PLEKHO1: variants seen among roughly 807,000 people sequenced by gnomAD.
PLEKHO1 encodes the protein pleckstrin homology domain-containing family O member 1.
PLEKHO1 carries 22 observed loss-of-function variants against 41.4 expected under a neutral mutation model. That is an observed-to-expected ratio of 0.53 (90% confidence interval 0.38 to 0.76). The LOEUF (loss-of-function observed/expected upper bound fraction) is 0.76, where lower values mean the gene tolerates loss of function less well. Ranked by LOEUF, PLEKHO1 falls within the 30% of genes least tolerant of loss-of-function variation. The pLI, the probability that PLEKHO1 is intolerant of heterozygous loss-of-function variation, is 0.00. For synonymous variants in PLEKHO1, 225 were observed against 210.8 expected (o/e 1.07, Z -0.58); for missense variants, 488 against 518.3 (o/e 0.94, Z 0.57).
intron 5 of PLEKHO1, 129 bp from the exon 6 acceptor site, chr1:150,158,690 A>C: frequency 1.5e-6 from 1 of 673,392 alleles, no homozygotes; most frequent in Non-Finnish European, 2.6e-6. Flanking sequence ...CTCTGTCTCT[A>C]AAAAAAAGTA....
intron 2 of PLEKHO1, 41 bp from the exon 3 acceptor site, chr1:150,156,025 A>G (rs587681249): frequency 1.3e-6 from 2 of 1,585,232 alleles, no homozygotes; most frequent in East Asian, 2.2e-5. Flanking sequence ...GGAGGGGCTA[A>G]ATAATTTTAT....
At chr1:150,157,970 A>G (rs1474359266) in intron 5 of PLEKHO1, among the ~76,000 whole-genome samples, 2 of 152,286 alleles carry the variant, frequency 1.3e-5, no homozygotes, top group East Asian at 3.9e-4. Context: ...GTAATCAGCT[A>G]CCTGTGTGGT....
At position 150,156,117 on chromosome 1, in the gene PLEKHO1, A is replaced by T; in HGVS notation, c.229A>T (p.Lys77Ter). Residue 77 changes from lysine to a stop codon, truncating the protein, a stop_gained, in exon 3 of 6, where the codon AAG (lysine) becomes TAG (stop). Transcript: ENST00000369124. LOFTEE classifies it high-confidence loss of function. ...GGTATTTGACCTGAGTGACTATGAG[A>T]AGTGTGAAGAGCTCCGGAAGTCCAA... Reference protein sequence around the residue: ...QEVFDLSDYEKCEELRKSKSR... With the variant: ...QEVFDLSDYE 1 of 1,613,464 alleles carries T rather than the reference A, an allele frequency of 6.2e-7. No homozygotes were observed.
Position 150,150,262 on chromosome 1 carries a change from T to A in PLEKHO1, c.5T>A (p.Met2Lys). 9.0e-7 allele frequency: 1 copy of A among 1,116,038 alleles called. No individual in the cohort carries two copies. Among genetic ancestry groups the A allele is most frequent in the South Asian group, 2.6e-5 (1 of 38,704 alleles). 69.1% of individuals were successfully genotyped at this position (1,116,038 alleles called of 1,614,324 possible). Residue 2 changes from methionine to lysine, a missense_variant, in exon 1 of 6, where the codon ATG becomes AAG. Around this residue, in one of 3 missense-constraint regions of PLEKHO1, gnomAD observed 92 missense variants for 82.3 expected, o/e 1.12. Coordinates refer to ENST00000369124, the MANE Select transcript of PLEKHO1 (RefSeq NM_016274.6). Reference sequence around the variant, plus strand: ...CCGCGCCCGCGCCCGCTGGGAATGATGAAGAAGAACAATTCCGCCAAGCGG... The same window carrying A: ...CCGCGCCCGCGCCCGCTGGGAATGAAGAAGAAGAACAATTCCGCCAAGCGG... The part of the protein sequence containing the change: M[M>K]KKNNSAKRGP...
chr1:150,150,333 T>C lies in PLEKHO1; in HGVS notation c.30+46T>C, dbSNP rs183546410. On this transcript the variant is annotated intron_variant, in intron 1 of 5. Coordinates refer to ENST00000369124, the MANE Select transcript of PLEKHO1 (RefSeq NM_016274.6). ...TGCGGCCGCCGCCGCCTCCGCGCTCTGACGACCCCCGCTCCGTCGGCGCCG... is the reference window on the plus strand; with the variant it reads ...TGCGGCCGCCGCCGCCTCCGCGCTCCGACGACCCCCGCTCCGTCGGCGCCG... The C allele has an allele frequency of 5.2e-5, 50 of 966,028 alleles. 1 individual carries two copies. Among genetic ancestry groups the C allele is most frequent in the Middle Eastern group, 1.0e-3 (2 of 1,976 alleles). 59.8% of individuals were successfully genotyped at this position (966,028 alleles called of 1,614,324 possible). A position where few individuals can be genotyped will look rare whatever the true frequency, so the allele number is the denominator to read the frequency against.
rs1440569835 is a variant in PLEKHO1 at position 150,159,572 on chromosome 1, C to T, written c.*49C>T. The T allele has an allele frequency of 5.7e-6, 7 of 1,232,784 alleles. No individual in the cohort carries two copies. The highest frequency in any genetic ancestry group is 3.0e-5 in the South Asian group (2 of 66,586). The allele number at this position is 1,232,784 out of a possible 1,614,324, so 76.4% of individuals were successfully genotyped here. A position where few individuals can be genotyped will look rare whatever the true frequency, so the allele number is the denominator to read the frequency against. On this transcript the variant is annotated 3_prime_UTR_variant, in exon 6 of 6. Transcript: ENST00000369124. ...GTCGGGTTGGACAGACTCTTATCTC[C>T]GTGTTGCTGGATAAAGCTTTTTTAT...
At chr1:150,152,812 C>G (rs186590793) in intron 2 of PLEKHO1, 1 of 148,268 alleles carries the variant, frequency 6.7e-6, no homozygotes, top group East Asian at 2.0e-4. Context: ...AAGAGAAAAA[C>G]ATAATAGTGA....
intron 2 of PLEKHO1, among the ~76,000 whole-genome samples, chr1:150,151,503 G>T (rs1162594601): frequency 3.3e-5 from 5 of 152,106 alleles, no homozygotes; most frequent in Non-Finnish European, 7.4e-5. Context: ...GGTCCTGTCC[G>T]TGGCGCATCC....
rs782779341 is a variant in PLEKHO1 at position 150,158,827 on chromosome 1, C to G, written c.534C>G (p.Thr178=). 23 of 1,602,236 alleles carry G rather than the reference C, an allele frequency of 1.4e-5. No individual in the cohort carries two copies. In the South Asian group the frequency reaches 2.0e-4, roughly 14 times the overall value. The change falls in exon 6 of 6, where the codon ACC becomes ACG. Residue 178 remains threonine (T), a synonymous_variant. Transcript: ENST00000369124. ...CCCCCCTTCCTCCACAGGCTTCCACCTCTACCTCGGATGGGATGCTGACCT... is the reference window on the plus strand; with the variant it reads ...CCCCCCTTCCTCCACAGGCTTCCACGTCTACCTCGGATGGGATGCTGACCT... The part of the protein sequence containing the change: ...TRGHLMAVAS[T]STSDGMLTLD...
intron 5 of PLEKHO1, among the ~76,000 whole-genome samples, chr1:150,158,343 C>G (rs1436521836): frequency 2.6e-5 from 4 of 152,156 alleles, no homozygotes; most frequent in Non-Finnish European, 5.9e-5. Context: ...ATTCAAGTCA[C>G]TATCAAAGGA....
rs782292173 is a variant in PLEKHO1 at position 150,159,057 on chromosome 1, C to A, written c.764C>A (p.Pro255His). The A allele has an allele frequency of 5.6e-6, 9 of 1,613,980 alleles. No homozygotes were observed. The South Asian group carries it at 8.8e-5, about 16-fold the overall frequency. ...ACAGACAAAGGGGCCACCTACACCC[C>A]CCAGGCACCCAAGAAGTTGACGCCC... ...EKTDKGATYT[P>H]QAPKKLTPTE... The change falls in exon 6 of 6, where the codon CCC (proline) becomes CAC (histidine). Residue 255 changes from proline to histidine, a missense_variant. Physicochemically the swap from Pro to His is moderately conservative, Grantham distance 77 (BLOSUM62 -2). This residue lies in a region of PLEKHO1 where 337 missense variants were observed against 324.6 expected (regional missense o/e 1.04). Coordinates refer to ENST00000369124, the MANE Select transcript of PLEKHO1 (RefSeq NM_016274.6).
chr1:150,151,328 A>G (rs1396914848), intron 2 of PLEKHO1, among the ~76,000 whole-genome samples: 1 of 152,292 alleles, frequency 6.6e-6, no homozygotes, highest in Non-Finnish European at 1.5e-5. Context: ...ATGCCCCAGA[A>G]GTTCTAAGTG....
chr1:150,152,184 A>G (rs1437616909), intron 2 of PLEKHO1, among the ~76,000 whole-genome samples: 1 of 152,208 alleles, frequency 6.6e-6, no homozygotes, highest in African/African-American at 2.4e-5. Flanking sequence ...GTACTCATCT[A>G]AAAGAACATC....
At chr1:150,155,893 G>A (rs1660147325) in intron 2 of PLEKHO1, 173 bp from the exon 3 acceptor site, 1 of 629,900 alleles carries the variant, frequency 1.6e-6, no homozygotes, top group Non-Finnish European at 2.8e-6. Context: ...AGCTGCCCTA[G>A]CGTCCTCCTC....
In PLEKHO1 at chr1:150,156,952, G is replaced by A. The variant is rs1553820536; in HGVS notation, c.360G>A (p.Lys120=). The change falls in exon 4 of 6, where the codon AAG becomes AAA. Residue 120 remains lysine (K), a synonymous_variant. Transcript: ENST00000369124. ...TCCTGGCAGTGAGTCCAGAAGAGAA[G>A]GAATCGTGGATCAATGCCCTCAACT... is the stretch of plus-strand genomic sequence containing the variant. ...LIFLAVSPEE[K]ESWINALNSA... 6.2e-7 allele frequency: 1 copy of A among 1,613,702 alleles called. No individual in the cohort carries two copies. Among genetic ancestry groups the A allele is most frequent in the African/African-American group, 1.3e-5 (1 of 74,900 alleles).
At position 150,159,042 on chromosome 1, in the gene PLEKHO1, G is replaced by C; in HGVS notation, c.749G>C (p.Gly250Ala). 1 of 1,613,950 alleles carries C rather than the reference G, an allele frequency of 6.2e-7. No homozygotes were observed. The highest frequency in any genetic ancestry group is 8.5e-7 in the Non-Finnish European group (1 of 1,179,946). ...LSRPWEKTDK[G>A]ATYTPQAPKK... ...CGACCTTGGGAAAAAACAGACAAAGGGGCCACCTACACCCCCCAGGCACCC... is the reference window on the plus strand; with the variant it reads ...CGACCTTGGGAAAAAACAGACAAAGCGGCCACCTACACCCCCCAGGCACCC... Residue 250 changes from glycine to alanine, a missense_variant, in exon 6 of 6, where the codon GGG (glycine) becomes GCG (alanine). Coordinates refer to ENST00000369124, the MANE Select transcript of PLEKHO1 (RefSeq NM_016274.6).
chr1:150,159,557 A>G lies in PLEKHO1; in HGVS notation c.*34A>G. ...TGGGGTCTGGAACTTGTCGGGTTGGACAGACTCTTATCTCCGTGTTGCTGG... is the reference window on the plus strand; with the variant it reads ...TGGGGTCTGGAACTTGTCGGGTTGGGCAGACTCTTATCTCCGTGTTGCTGG... On this transcript the variant is annotated 3_prime_UTR_variant, in exon 6 of 6. Transcript: ENST00000369124. The G allele has an allele frequency of 2.9e-6, 4 of 1,376,752 alleles. No homozygotes were observed. The highest frequency in any genetic ancestry group is 4.0e-6 in the Non-Finnish European group (4 of 1,003,626). 85.3% of individuals were successfully genotyped at this position (1,376,752 alleles called of 1,614,324 possible). A position where few individuals can be genotyped will look rare whatever the true frequency, so the allele number is the denominator to read the frequency against.
At position 150,159,969 on chromosome 1, in the gene PLEKHO1, G is replaced by C. The variant is rs1455311446; in HGVS notation, c.*446G>C. The C allele has an allele frequency of 2.6e-5, 4 of 156,812 alleles. No homozygotes were observed. Among genetic ancestry groups the C allele is most frequent in the Non-Finnish European group, 5.6e-5 (4 of 70,966 alleles). The allele number at this position is 156,812 out of a possible 1,614,324, so 9.7% of individuals were successfully genotyped here. On this transcript the variant is annotated 3_prime_UTR_variant, in exon 6 of 6. Coordinates refer to ENST00000369124, the MANE Select transcript of PLEKHO1 (RefSeq NM_016274.6). ...TTTCAGCTGCCCAACTCTAGTTGTAGGGATGTGGAGGCCAGTGTCACCTGT... is the reference window on the plus strand; with the variant it reads ...TTTCAGCTGCCCAACTCTAGTTGTACGGATGTGGAGGCCAGTGTCACCTGT...
In PLEKHO1 at chr1:150,159,242, G is replaced by A; in HGVS notation, c.949G>A (p.Glu317Lys). ...CCAGGACCTGGTAGCAAGGAAACTG[G>A]AGGAGACTCAGGAGCTTCTGGCAGA... is the stretch of plus-strand genomic sequence containing the variant. ...RIQDLVARKL[E>K]ETQELLAEVQ... The change falls in exon 6 of 6, where the codon GAG becomes AAG. Residue 317 changes from glutamate (E) to lysine (K), a missense_variant. Physicochemically the swap from Glu to Lys is moderately conservative, Grantham distance 56 (BLOSUM62 1). Around this residue, in one of 3 missense-constraint regions of PLEKHO1, gnomAD observed 337 missense variants for 324.6 expected, o/e 1.04. Coordinates refer to ENST00000369124, the MANE Select transcript of PLEKHO1 (RefSeq NM_016274.6). 6.2e-7 allele frequency: 1 copy of A among 1,614,190 alleles called. No homozygotes were observed. The highest frequency in any genetic ancestry group is 8.5e-7 in the Non-Finnish European group (1 of 1,180,024).
Sources: allele counts gnomAD v4.1 joint callset (sites outside exome capture counted in the v4.1 genomes callset), GRCh38; gene constraint gnomAD v4.1.1; regional missense constraint gnomAD v4.1.1; transcripts MANE v1.5; gene names NCBI Gene and HGNC (gene_info 2026-07-23, HGNC 2026-07-21).